CCDC126: variants seen among roughly 807,000 people sequenced by gnomAD.
CCDC126 encodes the protein coiled-coil domain containing 126, also known as coiled-coil domain-containing protein 126.
Under a neutral mutation model 11.7 loss-of-function variants are expected in CCDC126, and 5 were observed. The observed-to-expected ratio is 0.43, with a 90% CI of 0.22 to 0.90. CCDC126 has a LOEUF of 0.90. CCDC126 is among the 40% of genes least tolerant of loss of function. CCDC126 has a pLI of 0.27. For synonymous variants in CCDC126, 60 were observed against 61.9 expected (o/e 0.97, Z 0.14); for missense variants, 150 against 163.1 (o/e 0.92, Z 0.44).
intron 2 of CCDC126, among the ~76,000 whole-genome samples, chr7:23,603,619 A>G (rs1782576449): frequency 6.6e-6 from 1 of 152,122 alleles, no homozygotes; most frequent in Non-Finnish European, 1.5e-5. Context: ...TCTTTATCTG[A>G]AATGCGAGGG....
At chr7:23,613,131 T>A (rs1782744094) in intron 3 of CCDC126, among the ~76,000 whole-genome samples, 1 of 152,100 alleles carries the variant, frequency 6.6e-6, no homozygotes, top group Non-Finnish European at 1.5e-5. Flanking sequence ...GGCAACATAG[T>A]GAAACCATTT....
At chr7:23,606,971 A>G (rs925882903) in intron 2 of CCDC126, among the ~76,000 whole-genome samples, 1 of 151,762 alleles carries the variant, frequency 6.6e-6, no homozygotes, top group Non-Finnish European at 1.5e-5. Flanking sequence ...GGTGGTGTGC[A>G]CTTGTAGTTC....
At chr7:23,636,664 G>A (rs1486264527) in intron 3 of CCDC126, among the ~76,000 whole-genome samples, 71 of 147,446 alleles carry the variant, frequency 4.8e-4, no homozygotes, top group African/African-American at 1.6e-3. Flanking sequence ...CCTCCGTCCG[G>A]CAGCCATCCC....
chr7:23,627,074 C>G (rs1259291870), intron 3 of CCDC126, among the ~76,000 whole-genome samples: 1 of 152,220 alleles, frequency 6.6e-6, no homozygotes, highest in Non-Finnish European at 1.5e-5. Flanking sequence ...CTCTGGAACA[C>G]TTTGCAGTTG....
At chr7:23,636,721 A>G (rs1264933093) in intron 3 of CCDC126, among the ~76,000 whole-genome samples, 1 of 140,810 alleles carries the variant, frequency 7.1e-6, no homozygotes, top group African/African-American at 2.8e-5. Flanking sequence ...CCCCGTCTGG[A>G]AAGTGAGGAG....
At chr7:23,631,999 CA>C (rs1783124311) in intron 3 of CCDC126, among the ~76,000 whole-genome samples, 1 of 151,586 alleles carries the variant, frequency 6.6e-6, no homozygotes, top group Non-Finnish European at 1.5e-5. Flanking sequence ...ATAAAAACTG[CA>C]GATCAAAATT....
intron 2 of CCDC126, among the ~76,000 whole-genome samples, chr7:23,601,115 G>A (rs1342683831): frequency 6.6e-6 from 1 of 151,994 alleles, no homozygotes; most frequent in Non-Finnish European, 1.5e-5. Context: ...TGGACTCAGT[G>A]GCTCATGCCT....
intron 2 of CCDC126, among the ~76,000 whole-genome samples, chr7:23,601,602 G>T (rs1183892607): frequency 6.6e-6 from 1 of 152,110 alleles, no homozygotes; most frequent in Non-Finnish European, 1.5e-5. Context: ...ACGTTTCTCT[G>T]TATGTTTGAC....
intron 3 of CCDC126, among the ~76,000 whole-genome samples, chr7:23,640,992 GTTTTTT>G (rs70954400): frequency 8.1e-6 from 1 of 123,234 alleles, no homozygotes; most frequent in East Asian, 2.4e-4. Flanking sequence ...AATCCTTTTG[GTTTTTT>G]TTTTTTTTTT....
intron 3 of CCDC126, among the ~76,000 whole-genome samples, chr7:23,626,178 A>C (rs1332336675): frequency 6.6e-6 from 1 of 152,006 alleles, no homozygotes; most frequent in Non-Finnish European, 1.5e-5. Context: ...TTATAGTTGT[A>C]ATACAGTTGG....
At chr7:23,638,353 T>C (rs1417502749) in intron 3 of CCDC126, among the ~76,000 whole-genome samples, 6 of 110,544 alleles carry the variant, frequency 5.4e-5, no homozygotes, top group African/African-American at 1.1e-4. Context: ...GGGAGACTTT[T>C]CATTTTGTTC....
intron 3 of CCDC126, among the ~76,000 whole-genome samples, chr7:23,628,488 CA>C (rs1203577787): frequency 1.3e-5 from 2 of 152,222 alleles, no homozygotes; most frequent in African/African-American, 4.8e-5. Context: ...TCTAGCCAAA[CA>C]TCACAGAAAA....
intron 3 of CCDC126, among the ~76,000 whole-genome samples, chr7:23,635,824 G>A (rs182189517): frequency 2.6e-5 from 4 of 152,120 alleles, no homozygotes; most frequent in Admixed American, 2.6e-4. Context: ...AAACCTTCTA[G>A]GCTTTTAGCT....
chr7:23,611,266 A>G lies in CCDC126; in HGVS notation c.-50A>G. On this transcript the variant is annotated 5_prime_UTR_variant, in exon 3 of 4. Coordinates refer to ENST00000307471, the MANE Select transcript of CCDC126 (RefSeq NM_138771.4). ...TTTTTCAAGTCTTGATTTGTGGCTTACCTCAAGTTACCATTTTTCAGTCAA... is the reference window on the plus strand; with the variant it reads ...TTTTTCAAGTCTTGATTTGTGGCTTGCCTCAAGTTACCATTTTTCAGTCAA... 9.2e-7 allele frequency: 1 copy of G among 1,091,774 alleles called. No homozygotes were observed. Among genetic ancestry groups the G allele is most frequent in the Non-Finnish European group, 1.4e-6 (1 of 716,472 alleles). 67.6% of individuals were successfully genotyped at this position (1,091,774 alleles called of 1,614,324 possible). A position where few individuals can be genotyped will look rare whatever the true frequency, so the allele number is the denominator to read the frequency against.
chr7:23,614,130 G>A (rs1782759094), intron 3 of CCDC126, among the ~76,000 whole-genome samples: 1 of 152,010 alleles, frequency 6.6e-6, no homozygotes, highest in Non-Finnish European at 1.5e-5. Context: ...GATTTTTTTT[G>A]TAGCATGGAT....
intron 3 of CCDC126, among the ~76,000 whole-genome samples, chr7:23,636,084 T>TCC (rs1783205059): frequency 6.6e-6 from 1 of 152,130 alleles, no homozygotes; most frequent in Admixed American, 6.5e-5. Flanking sequence ...CGGGCTGGTC[T>TCC]CCAGCTCCTA....
chr7:23,617,313 T>C (rs537462612), intron 3 of CCDC126, among the ~76,000 whole-genome samples: 2 of 123,586 alleles, frequency 1.6e-5, no homozygotes, highest in South Asian at 2.7e-4. Flanking sequence ...GCACCACTGC[T>C]CTCTAATCTG....
chr7:23,626,095 G>C (rs1783010987), intron 3 of CCDC126, among the ~76,000 whole-genome samples: 1 of 133,024 alleles, frequency 7.5e-6, no homozygotes, highest in Non-Finnish European at 1.8e-5. Flanking sequence ...TTAGTTTTGT[G>C]CTGAAAATTT....
At chr7:23,618,877 CAAT>C (rs1474267090) in intron 3 of CCDC126, among the ~76,000 whole-genome samples, 1 of 151,938 alleles carries the variant, frequency 6.6e-6, no homozygotes, top group Non-Finnish European at 1.5e-5. Flanking sequence ...TACACAGTAT[CAAT>C]GTATTTTATT....
Sources: allele counts gnomAD v4.1 joint callset (sites outside exome capture counted in the v4.1 genomes callset), GRCh38; gene constraint gnomAD v4.1.1; transcripts MANE v1.5; gene names NCBI Gene and HGNC (gene_info 2026-07-23, HGNC 2026-07-21).